Variants in KIF16B observed in about 807,000 individuals in gnomAD.
KIF16B encodes the protein kinesin-like protein KIF16B.
A neutral mutation model predicts 156.3 loss-of-function variants in KIF16B; 98 were observed. The ratio of observed to expected loss-of-function variants is 0.63; its 90% CI spans 0.53 to 0.74. The LOEUF (loss-of-function observed/expected upper bound fraction) is 0.74, where lower values mean the gene tolerates loss of function less well. KIF16B is among the 30% of genes least tolerant of loss of function. The pLI is 0.00. For missense variants in KIF16B, 1,421 were observed against 1,606.5 expected, an observed-to-expected ratio of 0.88 and a Z score of 1.97; for synonymous variants, 564 against 583.7, an observed-to-expected ratio of 0.97 and a Z score of 0.49.
chr20:16,489,224 A>AGCTGGGGC (rs2068213081), intron 12 of KIF16B, among the ~76,000 whole-genome samples: 2 of 152,058 alleles, frequency 1.3e-5, no homozygotes, highest in African/African-American at 4.8e-5. Context: ...GGCCTTGGAG[A>AGCTGGGGC]AGAGGTACCT....
intron 12 of KIF16B, among the ~76,000 whole-genome samples, chr20:16,433,965 C>A (rs1187433595): frequency 6.6e-6 from 1 of 152,100 alleles, no homozygotes; most frequent in Non-Finnish European, 1.5e-5. Flanking sequence ...CCTCCCCCAA[C>A]TCCAGACACA....
intron 4 of KIF16B, 53 bp downstream of exon 4, chr20:16,515,495 G>T: frequency 1.1e-6 from 1 of 928,208 alleles, no homozygotes; most frequent in Non-Finnish European, 1.8e-6. Flanking sequence ...CATTCTACCA[G>T]TCCAGAGAAA....
chr20:16,476,724 C>T (rs6043991), intron 12 of KIF16B, among the ~76,000 whole-genome samples: 57,890 of 152,000 alleles, frequency 0.38, 12,684 homozygotes, highest in African/African-American at 0.6. Flanking sequence ...AAGTATCATT[C>T]CGGTTATGAC....
chr20:16,436,759 C>T (rs945475635), intron 12 of KIF16B, among the ~76,000 whole-genome samples: 1 of 152,106 alleles, frequency 6.6e-6, no homozygotes, highest in Non-Finnish European at 1.5e-5. Context: ...ATTATTTCTT[C>T]ATTTATTTGA....
At chr20:16,391,194 T>C (rs1359484052) in intron 17 of KIF16B, among the ~76,000 whole-genome samples, 1 of 151,978 alleles carries the variant, frequency 6.6e-6, no homozygotes, top group African/African-American at 2.4e-5. Flanking sequence ...TCTGATTAAA[T>C]AAAGGGAAGT....
At chr20:16,403,373 C>A (rs960915302) in intron 17 of KIF16B, among the ~76,000 whole-genome samples, 3 of 152,202 alleles carry the variant, frequency 2.0e-5, no homozygotes, top group African/African-American at 7.2e-5. Context: ...GAATTAAAGA[C>A]CTACAACAAA....
intron 24 of KIF16B, among the ~76,000 whole-genome samples, chr20:16,334,810 C>A (rs1466852585): frequency 6.6e-6 from 1 of 152,106 alleles, no homozygotes; most frequent in Non-Finnish European, 1.5e-5. Context: ...CTTCCTGAGG[C>A]CCTCACCAGA....
intron 24 of KIF16B, among the ~76,000 whole-genome samples, chr20:16,320,577 T>C (rs2063759124): frequency 2.0e-5 from 3 of 152,232 alleles, no homozygotes; most frequent in Admixed American, 2.0e-4. Flanking sequence ...CAAAATAAAA[T>C]GTGATAAAAG....
intron 1 of KIF16B, among the ~76,000 whole-genome samples, chr20:16,533,978 T>C (rs2069854048): frequency 6.6e-6 from 1 of 152,108 alleles, no homozygotes. Flanking sequence ...AATAAAGATG[T>C]GGCTGGGCAC....
chr20:16,500,704 T>C (rs1224217489), intron 10 of KIF16B, among the ~76,000 whole-genome samples: 1 of 152,196 alleles, frequency 6.6e-6, no homozygotes, highest in Admixed American at 6.5e-5. Flanking sequence ...TCTTTCCTCT[T>C]GAATTCACTG....
At chr20:16,291,412 CAT>C (rs1003566024) in intron 25 of KIF16B, among the ~76,000 whole-genome samples, 42 of 152,222 alleles carry the variant, frequency 2.8e-4, no homozygotes, top group African/African-American at 8.2e-4. Flanking sequence ...TCCTTGGACA[CAT>C]GTGTCTGGCT....
rs1005945526 is a variant in KIF16B at position 16,508,206 on chromosome 20, T to A, written c.557-106A>T. Reference sequence around the variant, plus strand: ...TACACAACTCCAAAATCTGCTGACCTGTCTGAAGACCTCACTTGTCTCTCT... The same window carrying A: ...TACACAACTCCAAAATCTGCTGACCAGTCTGAAGACCTCACTTGTCTCTCT... On this transcript the variant is annotated intron_variant, in intron 6 of 25. Coordinates refer to ENST00000354981, the MANE Select transcript of KIF16B (RefSeq NM_024704.5). 1.9e-5 allele frequency: 24 copies of A among 1,293,324 alleles called. No homozygotes were observed. In the African/African-American group the frequency reaches 3.4e-4, roughly 18 times the overall value. 80.1% of individuals were successfully genotyped at this position (1,293,324 alleles called of 1,614,324 possible).
intron 12 of KIF16B, among the ~76,000 whole-genome samples, chr20:16,473,215 C>T (rs1399443158): frequency 6.6e-6 from 1 of 152,146 alleles, no homozygotes; most frequent in Admixed American, 6.5e-5. Context: ...CAAGCAGGCC[C>T]CTCTACTCAT....
chr20:16,425,976 C>G (rs1396564523), intron 15 of KIF16B, among the ~76,000 whole-genome samples: 2 of 152,108 alleles, frequency 1.3e-5, no homozygotes, highest in African/African-American at 4.8e-5. Context: ...CTCATGGAGA[C>G]AGGAGAGGGG....
At chr20:16,355,769 G>A (rs2064428235) in intron 23 of KIF16B, among the ~76,000 whole-genome samples, 1 of 151,468 alleles carries the variant, frequency 6.6e-6, no homozygotes, top group Admixed American at 6.6e-5. Flanking sequence ...TATAAATCAA[G>A]AAACACTTGA....
At chr20:16,552,404 A>G (rs1347315582) in intron 1 of KIF16B, among the ~76,000 whole-genome samples, 1 of 152,212 alleles carries the variant, frequency 6.6e-6, no homozygotes, top group Non-Finnish European at 1.5e-5. Flanking sequence ...CGCAGCCATT[A>G]TGAGCTTCGT....
At chr20:16,393,626 AC>A (rs1450217298) in intron 17 of KIF16B, among the ~76,000 whole-genome samples, 1 of 152,240 alleles carries the variant, frequency 6.6e-6, no homozygotes, top group Non-Finnish European at 1.5e-5. Context: ...AAGTTGGAAT[AC>A]AGTACTGAAA....
chr20:16,346,037 G>A (rs1430129277), intron 23 of KIF16B, among the ~76,000 whole-genome samples: 2 of 152,204 alleles, frequency 1.3e-5, no homozygotes, highest in Non-Finnish European at 2.9e-5. Flanking sequence ...AGCCATCCAG[G>A]GACACAAGGC....
At chr20:16,417,224 A>G (rs1159976441) in intron 15 of KIF16B, among the ~76,000 whole-genome samples, 1 of 152,148 alleles carries the variant, frequency 6.6e-6, no homozygotes, top group African/African-American at 2.4e-5. Flanking sequence ...CTATGTGTGT[A>G]CACGTGGATC....
Sources: allele counts gnomAD v4.1 joint callset (sites outside exome capture counted in the v4.1 genomes callset), GRCh38; gene constraint gnomAD v4.1.1; transcripts MANE v1.5; gene names NCBI Gene and HGNC (gene_info 2026-07-23, HGNC 2026-07-21).